The following GPM6A variants were observed in gnomAD, a reference collection of about 807,000 sequenced individuals.
GPM6A encodes glycoprotein M6A.
A neutral mutation model predicts 32.1 loss-of-function variants in GPM6A; 7 were observed. That is an observed-to-expected ratio of 0.22 (90% confidence interval 0.12 to 0.41). The LOEUF is 0.41. Ranked by LOEUF, GPM6A falls within the 10% of genes least tolerant of loss-of-function variation. GPM6A has a pLI of 1.00. For missense variants in GPM6A, 235 were observed against 347.2 expected (o/e 0.68, Z 2.57); for synonymous variants, 130 against 123.4 (o/e 1.05, Z -0.35).
chr4:175,939,689 A>G (rs1286408956), intron 1 of GPM6A, among the ~76,000 whole-genome samples: 1 of 152,238 alleles, frequency 6.6e-6, no homozygotes, highest in African/African-American at 2.4e-5. Context: ...TTCAGCTAGA[A>G]GTTAAAATGT....
chr4:175,683,877 G>T (rs1379634937), intron 2 of GPM6A, among the ~76,000 whole-genome samples: 3 of 151,580 alleles, frequency 2.0e-5, no homozygotes, highest in Non-Finnish European at 2.9e-5. Flanking sequence ...TGTCTTCCAG[G>T]TTGGAGTGCA....
chr4:175,637,684 T>TAA (rs1740846697), intron 6 of GPM6A, among the ~76,000 whole-genome samples: 1 of 1,562 alleles, frequency 6.4e-4, no homozygotes, highest in Non-Finnish European at 1.8e-3. Context: ...AATATATATA[T>TAA]AATATATAAT....
At chr4:175,747,269 C>CAAAAAAAAAAAAAA (rs5864346) in intron 1 of GPM6A, among the ~76,000 whole-genome samples, 1 of 109,518 alleles carries the variant, frequency 9.1e-6, no homozygotes, top group African/African-American at 3.7e-5. Context: ...ACTCCATCTC[C>CAAAAAAAAAAAAAA]AAAAAAAAAA....
intron 1 of GPM6A, among the ~76,000 whole-genome samples, chr4:175,741,229 C>T (rs1334669227): frequency 1.3e-5 from 2 of 151,952 alleles, no homozygotes; most frequent in Non-Finnish European, 1.5e-5. Context: ...AAATGTTTCC[C>T]TTTTCTCTCT....
chr4:175,710,245 T>C (rs1368312249), intron 1 of GPM6A, among the ~76,000 whole-genome samples: 1 of 152,152 alleles, frequency 6.6e-6, no homozygotes, highest in Non-Finnish European at 1.5e-5. Context: ...TTTTCCTATA[T>C]ATGTTCTAAT....
chr4:175,948,792 C>T (rs1403665240), intron 1 of GPM6A, among the ~76,000 whole-genome samples: 2 of 137,288 alleles, frequency 1.5e-5, no homozygotes, highest in Non-Finnish European at 2.9e-5. Flanking sequence ...GACTCATGCC[C>T]CTACGCAGTA....
intron 1 of GPM6A, among the ~76,000 whole-genome samples, chr4:175,930,540 A>T (rs1739003463): frequency 6.6e-6 from 1 of 151,944 alleles, no homozygotes; most frequent in South Asian, 2.1e-4. Flanking sequence ...CTAAATTTAG[A>T]CAATTATACT....
chr4:175,682,769 C>G (rs1014133923), intron 2 of GPM6A, among the ~76,000 whole-genome samples: 1 of 152,174 alleles, frequency 6.6e-6, no homozygotes, highest in African/African-American at 2.4e-5. Context: ...AGTAGATACA[C>G]AGAATGCAAG....
At chr4:175,660,860 T>G (rs1053577972) in intron 3 of GPM6A, among the ~76,000 whole-genome samples, 1 of 152,234 alleles carries the variant, frequency 6.6e-6, no homozygotes, top group African/African-American at 2.4e-5. Flanking sequence ...TTTTCTCACT[T>G]AGGTTGACAG....
chr4:175,919,276 T>C (rs1374817141), intron 1 of GPM6A, among the ~76,000 whole-genome samples: 1 of 152,132 alleles, frequency 6.6e-6, no homozygotes, highest in Non-Finnish European at 1.5e-5. Context: ...TTTGAGGTAC[T>C]TCTAAAAATT....
chr4:175,911,441 C>T (rs927947814), intron 1 of GPM6A, among the ~76,000 whole-genome samples: 1 of 152,038 alleles, frequency 6.6e-6, no homozygotes, highest in African/African-American at 2.4e-5. Flanking sequence ...AGCTATTATC[C>T]CCTGCTTTTC....
chr4:175,674,246 C>T (rs561077167), intron 2 of GPM6A, among the ~76,000 whole-genome samples: 3 of 152,216 alleles, frequency 2.0e-5, no homozygotes, highest in East Asian at 1.9e-4. Context: ...GGTGCGATCT[C>T]GGCTCGCTGC....
chr4:175,841,910 C>T (rs1735948412), intron 1 of GPM6A, among the ~76,000 whole-genome samples: 1 of 151,912 alleles, frequency 6.6e-6, no homozygotes. Context: ...GCTGTCATTC[C>T]ATTTATTGTT....
chr4:175,793,515 T>A (rs1355691499), intron 1 of GPM6A, among the ~76,000 whole-genome samples: 2 of 152,136 alleles, frequency 1.3e-5, no homozygotes, highest in Non-Finnish European at 1.5e-5. Context: ...TAGCTGGGAA[T>A]ATAGGCATGC....
chr4:175,730,707 C>T (rs1481045799), intron 1 of GPM6A, among the ~76,000 whole-genome samples: 1 of 152,092 alleles, frequency 6.6e-6, no homozygotes, highest in African/African-American at 2.4e-5. Context: ...CTCCTGACCT[C>T]AAGTGATTCA....
At chr4:175,870,989 T>A in intron 1 of GPM6A, among the ~76,000 whole-genome samples, 1 of 152,058 alleles carries the variant, frequency 6.6e-6, no homozygotes, top group East Asian at 1.9e-4. Context: ...ATCTTAATCA[T>A]GTTAATATCA....
chr4:175,674,604 A>C (rs1429192606), intron 2 of GPM6A, among the ~76,000 whole-genome samples: 2 of 152,258 alleles, frequency 1.3e-5, no homozygotes, highest in Non-Finnish European at 2.9e-5. Context: ...TTTATACTTA[A>C]TGATGCAGTA....
At chr4:175,685,412 C>T (rs551593262) in intron 2 of GPM6A, among the ~76,000 whole-genome samples, 3 of 152,210 alleles carry the variant, frequency 2.0e-5, no homozygotes, top group South Asian at 2.1e-4. Context: ...AAGTTTTGAA[C>T]GTTTCTTGTT....
intron 1 of GPM6A, chr4:175,787,921 A>G (rs1733863205): frequency 6.6e-6 from 1 of 152,492 alleles, no homozygotes; most frequent in East Asian, 1.9e-4. Flanking sequence ...TGAACAAATC[A>G]ATCTCATGAA....
Sources: allele counts gnomAD v4.1 joint callset (sites outside exome capture counted in the v4.1 genomes callset), GRCh38; gene constraint gnomAD v4.1.1; transcripts MANE v1.5; gene names NCBI Gene and HGNC (gene_info 2026-07-23, HGNC 2026-07-21).